The following WFDC6 variants were observed in gnomAD, a reference collection of about 807,000 sequenced individuals.
WFDC6 encodes the protein WAP four-disulfide core domain protein 6.
In WFDC6, 10 loss-of-function variants were observed where a neutral mutation model predicts 8.2. The ratio of observed to expected loss-of-function variants is 1.22; its 90% confidence interval spans 0.75 to 2.07. The LOEUF (loss-of-function observed/expected upper bound fraction) is 2.07. Among genes scored for constraint, WFDC6 ranks in the 30% most tolerant of loss-of-function variants. The pLI is 0.00. For synonymous variants in WFDC6, 28 were observed against 37.0 expected, an observed-to-expected ratio of 0.76 and a Z score of 0.88; for missense variants, 105 against 104.9, an observed-to-expected ratio of 1.00 and a Z score of 0.00.
At chr20:45,539,046 C>T (rs1160082345) in intron 1 of WFDC6, among the ~76,000 whole-genome samples, 2 of 152,036 alleles carry the variant, frequency 1.3e-5, no homozygotes, top group African/African-American at 2.4e-5. Context: ...CTTACTACTC[C>T]TTCTTAGTTC....
At chr20:45,538,239 G>C in intron 1 of WFDC6, 145 bp from the exon 2 acceptor site, 1 of 1,431,154 alleles carries the variant, frequency 7.0e-7, no homozygotes, top group Non-Finnish European at 9.4e-7. Flanking sequence ...GGGGGCTCAG[G>C]AATTTCACAA....
chr20:45,537,871 C>T (rs1307727067), intron 2 of WFDC6, 93 bp downstream of exon 2: 1 of 1,582,012 alleles, frequency 6.3e-7, no homozygotes, highest in Non-Finnish European at 8.6e-7. Flanking sequence ...TGGTCAGAGA[C>T]CAGCCATCAG....
intron 2 of WFDC6, chr20:45,535,031 C>G: frequency 2.7e-6 from 2 of 739,424 alleles, no homozygotes; most frequent in Non-Finnish European, 3.8e-6. Flanking sequence ...TATCCTTCTA[C>G]TTATACTTCT....
chr20:45,538,387 T>C (rs1979453627), intron 1 of WFDC6, among the ~76,000 whole-genome samples: 1 of 152,196 alleles, frequency 6.6e-6, no homozygotes, highest in South Asian at 2.1e-4. Context: ...TCAGCCTTGC[T>C]GTGCTTGGTT....
Position 45,538,065 on chromosome 20 carries a change from C to A in WFDC6, c.121G>T (p.Glu41Ter), listed in dbSNP as rs145131122. 1 of 1,613,984 alleles carries A rather than the reference C, an allele frequency of 6.2e-7. No homozygotes were observed. Among genetic ancestry groups the A allele is most frequent in the Non-Finnish European group, 8.5e-7 (1 of 1,179,904 alleles). Residue 41 changes from glutamate (E) to a stop codon, truncating the protein, a stop_gained, in exon 2 of 3, where the codon GAA becomes TAA. Coordinates refer to ENST00000372670, the MANE Select transcript of WFDC6 (RefSeq NM_080827.2). LOFTEE classifies it high-confidence loss of function. ...GTACACTGGTCTATTTCTTCCACTT[C>A]GCATTCCACTTTGATTTTGGGACAC... ...KPCPKIKVECEVEEIDQCTKP... is the reference protein window; with the variant it reads ...KPCPKIKVEC
chr20:45,537,839 G>A, intron 2 of WFDC6, 125 bp downstream of exon 2: 2 of 1,531,468 alleles, frequency 1.3e-6, no homozygotes, highest in Non-Finnish European at 1.8e-6. Flanking sequence ...TTTGTGTCAA[G>A]TAGAAGATGT....
chr20:45,535,532 CA>C (rs1253501438), intron 2 of WFDC6, among the ~76,000 whole-genome samples: 1 of 152,174 alleles, frequency 6.6e-6, no homozygotes, highest in Non-Finnish European at 1.5e-5. Flanking sequence ...GATGAGAATA[CA>C]AAATCCCAAC....
chr20:45,535,358 T>C (rs1165530337), intron 2 of WFDC6: 1 of 1,277,898 alleles, frequency 7.8e-7, no homozygotes, highest in African/African-American at 1.5e-5. Context: ...ATAGAGCTGT[T>C]TGGGTGCCTG....
Position 45,538,048 on chromosome 20 carries a change from G to A in WFDC6, c.138C>T (p.Asp46=), listed in dbSNP as rs1213830615. The A allele has an allele frequency of 6.2e-7, 1 of 1,614,014 alleles. No homozygotes were observed. The change falls in exon 2 of 3, where the codon GAC becomes GAT. Residue 46 remains aspartate, a synonymous_variant. Coordinates refer to ENST00000372670, the MANE Select transcript of WFDC6 (RefSeq NM_080827.2). ...IKVECEVEEI[D]QCTKPRDCPE... ...GGCAATCTCTGGGTTTGGTACACTG[G>A]TCTATTTCTTCCACTTCGCATTCCA...
chr20:45,537,626 C>T (rs1979417773), intron 2 of WFDC6: 1 of 1,452,702 alleles, frequency 6.9e-7, no homozygotes. Flanking sequence ...ACAATGTTGG[C>T]ATTTGATGAG....
At chr20:45,535,211 T>C in intron 2 of WFDC6, 1 of 1,304,308 alleles carries the variant, frequency 7.7e-7, no homozygotes, top group Non-Finnish European at 1.0e-6. Flanking sequence ...GAAGTTGTTA[T>C]TGTTCCCCTG....
At chr20:45,539,259 C>A in intron 1 of WFDC6, 58 bp downstream of exon 1, 1 of 1,518,012 alleles carries the variant, frequency 6.6e-7, no homozygotes, top group African/African-American at 1.4e-5. Flanking sequence ...ATTCTTTGTT[C>A]CTTCCTCCCC....
intron 2 of WFDC6, 108 bp downstream of exon 2, chr20:45,537,856 A>G: frequency 4.5e-6 from 7 of 1,572,454 alleles, no homozygotes; most frequent in Non-Finnish European, 6.0e-6. Context: ...ATGTACCTAA[A>G]CTCTTGGTCA....
intron 2 of WFDC6, 59 bp downstream of exon 2, chr20:45,537,905 C>T (rs1473541199): frequency 1.9e-6 from 3 of 1,611,100 alleles, no homozygotes; most frequent in Non-Finnish European, 1.7e-6. Flanking sequence ...AGAGGTAGTG[C>T]AGTGCAGGTG....
chr20:45,535,395 C>G (rs1979327522), intron 2 of WFDC6: 1 of 1,221,122 alleles, frequency 8.2e-7, no homozygotes, highest in Non-Finnish European at 1.0e-6. Context: ...CCATCTCTCC[C>G]CTTCTCTGGC....
At chr20:45,537,858 T>A (rs1979424805) in intron 2 of WFDC6, 106 bp downstream of exon 2, 1 of 1,577,764 alleles carries the variant, frequency 6.3e-7, no homozygotes, top group African/African-American at 1.3e-5. Context: ...GTACCTAAAC[T>A]CTTGGTCAGA....
At chr20:45,537,182 T>C in intron 2 of WFDC6, 1 of 276,840 alleles carries the variant, frequency 3.6e-6, no homozygotes, top group South Asian at 7.2e-5. Flanking sequence ...TTCTTGTCTC[T>C]TGCTCACTCT....
chr20:45,537,483 A>G, intron 2 of WFDC6: 1 of 1,504,870 alleles, frequency 6.6e-7, no homozygotes, highest in Non-Finnish European at 9.0e-7. Flanking sequence ...ATATGGGCAG[A>G]GAAGAAAGAG....
chr20:45,537,371 G>C, intron 2 of WFDC6: 2 of 747,344 alleles, frequency 2.7e-6, no homozygotes, highest in South Asian at 3.4e-5. Flanking sequence ...TGGCCACAAT[G>C]AGCAAGTGGA....
Sources: gnomAD v4.1 joint callset for allele counts (sites outside exome capture counted in the v4.1 genomes callset) on GRCh38, gnomAD v4.1.1 for gene constraint, MANE v1.5 for transcripts, NCBI Gene and HGNC (gene_info 2026-07-23, HGNC 2026-07-21) for gene names.